The following LRRC7 variants were observed in gnomAD, a reference collection of about 807,000 sequenced individuals.
LRRC7 encodes leucine rich repeat containing 7, also known as leucine-rich repeat-containing protein 7.
In LRRC7, 23 loss-of-function variants were observed where a neutral mutation model predicts 175.7. The observed-to-expected ratio is 0.13, with a 90% CI of 0.09 to 0.19. The LOEUF (loss-of-function observed/expected upper bound fraction) is 0.19. Among genes scored for constraint, LRRC7 ranks in the 10% least tolerant of loss-of-function variants. The pLI, the probability that LRRC7 is intolerant of heterozygous loss-of-function variation, is 1.00. For synonymous variants in LRRC7, 685 were observed against 680.9 expected, an observed-to-expected ratio of 1.01 and a Z score of -0.09; for missense variants, 1,354 against 1,904.7, an observed-to-expected ratio of 0.71 and a Z score of 5.38.
intron 7 of LRRC7, among the ~76,000 whole-genome samples, chr1:69,886,713 C>G (rs1016482090): frequency 6.7e-6 from 1 of 149,516 alleles, no homozygotes; most frequent in African/African-American, 2.5e-5. Flanking sequence ...TTCCTAGTCT[C>G]GATGGTCTTT....
intron 2 of LRRC7, among the ~76,000 whole-genome samples, chr1:69,686,044 A>G (rs1416556409): frequency 6.6e-6 from 1 of 152,202 alleles, no homozygotes; most frequent in East Asian, 1.9e-4. Context: ...AGAAGCATCA[A>G]TTAAAATGAC....
rs574104222 is a variant in LRRC7, at chr1:69,720,814, T to A, written c.101-39377T>A. Among the ~76,000 whole-genome samples the A allele has an allele frequency of 4.0e-5, 6 of 151,856 alleles. No homozygotes were observed. In the East Asian group the frequency reaches 1.2e-3, roughly 29 times the overall value. ...CTTATTGGTTTTATTGTTTAAATAA[T>A]GTTTAAATATTTTTAAATATTTTTA... On this transcript the variant is annotated intron_variant, in intron 2 of 26. Transcript: ENST00000651989.
At chr1:69,905,779 G>A (rs1318518959) in intron 7 of LRRC7, among the ~76,000 whole-genome samples, 1 of 152,160 alleles carries the variant, frequency 6.6e-6, no homozygotes, top group Non-Finnish European at 1.5e-5. Flanking sequence ...ACCCAGTAAT[G>A]GGATGGCTGG....
chr1:69,605,429 G>T (rs1647380136), intron 1 of LRRC7, among the ~76,000 whole-genome samples: 1 of 152,136 alleles, frequency 6.6e-6, no homozygotes, highest in Admixed American at 6.6e-5. Flanking sequence ...TGATTGACCT[G>T]GATGATTCTA....
chr1:69,876,853 A>G (rs1686089345), intron 7 of LRRC7, among the ~76,000 whole-genome samples: 1 of 152,158 alleles, frequency 6.6e-6, no homozygotes, highest in Non-Finnish European at 1.5e-5. Flanking sequence ...CTGATAAGGA[A>G]CAGAGACAAG....
At chr1:69,761,058 A>C (rs1670986841) in intron 3 of LRRC7, among the ~76,000 whole-genome samples, 1 of 152,018 alleles carries the variant, frequency 6.6e-6, no homozygotes, top group Non-Finnish European at 1.5e-5. Flanking sequence ...CTGTGACCTT[A>C]GTCCTTATTG....
In LRRC7 at chr1:69,663,991, A is replaced by G. The variant is rs895418016; in HGVS notation, c.3-14390A>G. ...CCGCCTCGGCCTCCCAAAGTGCTGG[A>G]ATTACAGGCGTGAGCCACCGCGCCC... On this transcript the variant is annotated intron_variant, in intron 1 of 26. Coordinates refer to ENST00000651989, the MANE Select transcript of LRRC7 (RefSeq NM_001370785.2). 2.6e-5 allele frequency among the ~76,000 whole-genome samples: 4 copies of G among 151,134 alleles called. No homozygotes were observed. In the South Asian group the frequency reaches 8.4e-4, roughly 32 times the overall value.
intron 8 of LRRC7, among the ~76,000 whole-genome samples, chr1:69,940,097 G>T (rs1648555165): frequency 6.6e-6 from 1 of 152,084 alleles, no homozygotes; most frequent in South Asian, 2.1e-4. Context: ...AAGTTTGAAA[G>T]GAATTCTTGA....
At chr1:69,938,927 A>G (rs563876970) in intron 8 of LRRC7, among the ~76,000 whole-genome samples, 2 of 149,274 alleles carry the variant, frequency 1.3e-5, no homozygotes, top group African/African-American at 4.9e-5. Flanking sequence ...AATTTTAAGG[A>G]AAATACTTGA....
At chr1:69,718,917 G>T (rs1167440599) in intron 2 of LRRC7, among the ~76,000 whole-genome samples, 2 of 151,794 alleles carry the variant, frequency 1.3e-5, no homozygotes, top group African/African-American at 2.4e-5. Context: ...AACTTTCGAT[G>T]CCAGATGGTT....
At chr1:70,104,512 A>G (rs1040984393) in intron 25 of LRRC7, among the ~76,000 whole-genome samples, 35 of 152,324 alleles carry the variant, frequency 2.3e-4, no homozygotes, top group African/African-American at 7.5e-4. Flanking sequence ...GCTTGGATTA[A>G]TGTGGCAGTA....
At chr1:69,885,315 A>G (rs1454562654) in intron 7 of LRRC7, among the ~76,000 whole-genome samples, 3 of 145,034 alleles carry the variant, frequency 2.1e-5, no homozygotes, top group Non-Finnish European at 4.5e-5. Context: ...GTCTATTCAG[A>G]GATTCAACTT....
At position 69,838,368 on chromosome 1, in the gene LRRC7, T is replaced by G. The variant is rs1047853291; in HGVS notation, c.647+85T>G. On this transcript the variant is annotated intron_variant, in intron 7 of 26. Transcript: ENST00000651989. ...TAACTACTTTTATTTTGTCTGTGTT[T>G]TGGCACTTTGAGTTAATTTATCTAC... The G allele has an allele frequency of 3.5e-6, 4 of 1,135,294 alleles. No homozygotes were observed. In the African/African-American group the frequency reaches 6.1e-5, roughly 17 times the overall value. The allele number at this position is 1,135,294 out of a possible 1,614,324, so 70.3% of individuals were successfully genotyped here.
At chr1:69,857,157 A>T (rs1397265300) in intron 7 of LRRC7, among the ~76,000 whole-genome samples, 2 of 152,184 alleles carry the variant, frequency 1.3e-5, no homozygotes, top group East Asian at 3.9e-4. Context: ...AGCCAATAAC[A>T]TACTGAATGG....
intron 7 of LRRC7, among the ~76,000 whole-genome samples, chr1:69,842,504 T>G (rs1681838240): frequency 6.6e-6 from 1 of 152,194 alleles, no homozygotes; most frequent in Non-Finnish European, 1.5e-5. Context: ...GCACAAGGCA[T>G]GAAACATGAT....
intron 23 of LRRC7, among the ~76,000 whole-genome samples, chr1:70,074,455 A>G (rs936146033): frequency 2.8e-4 from 42 of 152,376 alleles, no homozygotes; most frequent in Middle Eastern, 3.4e-3. Context: ...GAATAGATAC[A>G]ATAGAGAAAT....
chr1:70,020,231 A>G (rs1330884224), intron 15 of LRRC7, among the ~76,000 whole-genome samples: 1 of 151,988 alleles, frequency 6.6e-6, no homozygotes, highest in Admixed American at 6.6e-5. Context: ...TTTGGAAAAG[A>G]ATTTAGCCTT....
intron 7 of LRRC7, among the ~76,000 whole-genome samples, chr1:69,861,196 G>A (rs1478358080): frequency 6.6e-6 from 1 of 151,918 alleles, no homozygotes; most frequent in African/African-American, 2.4e-5. Context: ...AGTTGAAAAG[G>A]ACTGCCATTT....
At chr1:70,017,683 A>C (rs1182047093) in intron 14 of LRRC7, among the ~76,000 whole-genome samples, 1 of 152,186 alleles carries the variant, frequency 6.6e-6, no homozygotes, top group Admixed American at 6.5e-5. Flanking sequence ...AACCTTTACA[A>C]ATTATAAAAT....
Sources: gnomAD v4.1 joint callset for allele counts (sites outside exome capture counted in the v4.1 genomes callset) on GRCh38, gnomAD v4.1.1 for gene constraint, MANE v1.5 for transcripts, NCBI Gene and HGNC (gene_info 2026-07-23, HGNC 2026-07-21) for gene names.